Variants in GPC6 observed in about 807,000 individuals in gnomAD.
The protein encoded by GPC6 is glypican-6.
A neutral mutation model predicts 55.2 loss-of-function variants in GPC6; 14 were observed. That is an observed-to-expected ratio of 0.25 (90% confidence interval 0.17 to 0.40). GPC6 has a LOEUF of 0.40. Ranked by LOEUF, GPC6 falls within the 10% of genes least tolerant of loss-of-function variation. GPC6 has a pLI of 1.00. For missense variants in GPC6, 641 were observed against 708.5 expected, an observed-to-expected ratio of 0.90 and a Z score of 1.08; for synonymous variants, 278 against 259.6, an observed-to-expected ratio of 1.07 and a Z score of -0.68.
chr13:93,233,412 C>T (rs1428686038), intron 1 of GPC6, among the ~76,000 whole-genome samples: 1 of 150,946 alleles, frequency 6.6e-6, no homozygotes, highest in Non-Finnish European at 1.5e-5. Context: ...ATTTTAATAA[C>T]CCATTCTCTC....
intron 1 of GPC6, among the ~76,000 whole-genome samples, chr13:93,342,162 G>A (rs1298634809): frequency 6.6e-6 from 1 of 152,082 alleles, no homozygotes; most frequent in African/African-American, 2.4e-5. Flanking sequence ...AAGGTGAGAG[G>A]TTAGGATTGA....
chr13:94,249,335 C>A (rs1224784454), intron 4 of GPC6, among the ~76,000 whole-genome samples: 1 of 152,056 alleles, frequency 6.6e-6, no homozygotes, highest in Non-Finnish European at 1.5e-5. Flanking sequence ...CCCAATAAAT[C>A]TTGAGCCACA....
intron 1 of GPC6, among the ~76,000 whole-genome samples, chr13:93,485,866 G>T (rs577284395): frequency 1.3e-5 from 2 of 152,246 alleles, no homozygotes; most frequent in South Asian, 4.1e-4. Context: ...TGAAGCTCAG[G>T]GAAGAGATCT....
intron 3 of GPC6, among the ~76,000 whole-genome samples, chr13:93,940,598 C>T (rs1284734291): frequency 6.6e-6 from 1 of 151,994 alleles, no homozygotes; most frequent in African/African-American, 2.4e-5. Context: ...TTTAAAGAGA[C>T]CCAATAGATA....
intron 4 of GPC6, among the ~76,000 whole-genome samples, chr13:94,139,577 A>C (rs1167995543): frequency 6.6e-6 from 1 of 152,148 alleles, no homozygotes; most frequent in African/African-American, 2.4e-5. Context: ...TGATAGCTGA[A>C]ATGGATCCTA....
chr13:93,564,384 G>C (rs1875978633), intron 2 of GPC6, among the ~76,000 whole-genome samples: 1 of 152,066 alleles, frequency 6.6e-6, no homozygotes, highest in African/African-American at 2.4e-5. Context: ...AATGAAAATA[G>C]TCTTTGGGAG....
intron 4 of GPC6, among the ~76,000 whole-genome samples, chr13:94,216,612 C>A (rs1366907910): frequency 6.6e-6 from 1 of 152,158 alleles, no homozygotes; most frequent in African/African-American, 2.4e-5. Flanking sequence ...GGAACACCAG[C>A]ATCTGGTCTT....
chr13:94,195,565 A>T (rs1230190056), intron 4 of GPC6, among the ~76,000 whole-genome samples: 1 of 152,226 alleles, frequency 6.6e-6, no homozygotes, highest in Non-Finnish European at 1.5e-5. Context: ...TTAACTCACA[A>T]ATCCTCTGCT....
chr13:93,324,412 T>A (rs1034023372), intron 1 of GPC6, among the ~76,000 whole-genome samples: 1 of 151,708 alleles, frequency 6.6e-6, no homozygotes, highest in African/African-American at 2.4e-5. Context: ...TAATTTAAAA[T>A]AACTAAAAGA....
intron 6 of GPC6, among the ~76,000 whole-genome samples, chr13:94,352,589 G>A (rs893631178): frequency 6.6e-6 from 1 of 151,922 alleles, no homozygotes; most frequent in Admixed American, 6.6e-5. Flanking sequence ...GGCTAGTCCA[G>A]AGCTCTTTCC....
chr13:93,847,346 C>A (rs957561985), intron 3 of GPC6, among the ~76,000 whole-genome samples: 1 of 152,002 alleles, frequency 6.6e-6, no homozygotes, highest in African/African-American at 2.4e-5. Flanking sequence ...TGAGAAGGGG[C>A]CGTCTGAGAT....
chr13:93,502,272 G>A (rs1033479210), intron 1 of GPC6, among the ~76,000 whole-genome samples: 1 of 152,112 alleles, frequency 6.6e-6, no homozygotes, highest in East Asian at 1.9e-4. Context: ...GAGGGAGGGG[G>A]AGAAAGAGAG....
At chr13:93,992,197 G>A (rs1370593517) in intron 3 of GPC6, among the ~76,000 whole-genome samples, 1 of 148,268 alleles carries the variant, frequency 6.7e-6, no homozygotes, top group Non-Finnish European at 1.5e-5. Context: ...ATATATATAT[G>A]TGGGTGTGGG....
intron 6 of GPC6, among the ~76,000 whole-genome samples, chr13:94,340,214 T>G (rs1488172977): frequency 6.6e-6 from 1 of 152,186 alleles, no homozygotes; most frequent in Non-Finnish European, 1.5e-5. Context: ...ATAGCAGGAC[T>G]GGGATTTGGG....
chr13:93,551,268 A>G (rs564022618), intron 2 of GPC6, among the ~76,000 whole-genome samples: 2 of 151,658 alleles, frequency 1.3e-5, no homozygotes, highest in East Asian at 3.9e-4. Context: ...ATTCTATCAC[A>G]ATGTTTTATT....
At chr13:93,418,608 G>A (rs574326987) in intron 1 of GPC6, among the ~76,000 whole-genome samples, 79 of 149,292 alleles carry the variant, frequency 5.3e-4, no homozygotes, top group Admixed American at 8.7e-4. Context: ...GCACTATACC[G>A]TAGTATCATT....
intron 6 of GPC6, among the ~76,000 whole-genome samples, chr13:94,367,616 T>C (rs555592643): frequency 1.3e-5 from 2 of 152,266 alleles, no homozygotes; most frequent in South Asian, 2.1e-4. Context: ...ATCTATCTTT[T>C]CAGGGGCATG....
intron 4 of GPC6, among the ~76,000 whole-genome samples, chr13:94,230,854 T>A (rs142293467): frequency 0.014 from 2,071 of 152,298 alleles, 27 homozygotes; most frequent in Non-Finnish European, 0.021. Context: ...CCAGACATCA[T>A]AATAAGCATC....
At chr13:93,401,974 T>G (rs1055487897) in intron 1 of GPC6, among the ~76,000 whole-genome samples, 2 of 152,132 alleles carry the variant, frequency 1.3e-5, no homozygotes, top group Non-Finnish European at 2.9e-5. Flanking sequence ...CATTTAATCC[T>G]CATGAAACGC....
Sources: allele counts gnomAD v4.1 joint callset (sites outside exome capture counted in the v4.1 genomes callset), GRCh38; gene constraint gnomAD v4.1.1; transcripts MANE v1.5; gene names NCBI Gene and HGNC (gene_info 2026-07-23, HGNC 2026-07-21).